The following SVIL variants were observed in gnomAD, a reference collection of about 807,000 sequenced individuals.
The protein encoded by SVIL is supervillin, also known as archvillin.
In SVIL, 101 loss-of-function variants were observed where a neutral mutation model predicts 240.4. That is an observed-to-expected ratio of 0.42 (90% CI 0.36 to 0.50). The LOEUF (loss-of-function observed/expected upper bound fraction) is 0.50, where lower values mean the gene tolerates loss of function less well. Ranked by LOEUF, SVIL falls within the 20% of genes least tolerant of loss-of-function variation. The pLI is 0.01. For missense variants in SVIL, 2,512 were observed against 2,818.7 expected, an observed-to-expected ratio of 0.89 and a Z score of 2.46; for synonymous variants, 999 against 1,100.0, an observed-to-expected ratio of 0.91 and a Z score of 1.82.
rs765780380 is a variant in SVIL at position 29,558,025 on chromosome 10, A to AT, written c.-50-2918dup. 6.6e-5 allele frequency among the ~76,000 whole-genome samples: 10 copies of AT among 152,220 alleles called. 1 individual carries two copies. Among genetic ancestry groups the AT allele is most frequent in the Non-Finnish European group, 7.3e-5 (5 of 68,042 alleles). On this transcript the variant is annotated intron_variant, in intron 3 of 37. Coordinates refer to ENST00000355867, the MANE Select transcript of SVIL (RefSeq NM_021738.3). ...TGCTGTGACACAAAAATATCCTCAT[A>AT]TATTTCTAAAGCCCCTTAGGGACTG...
intron 29 of SVIL, among the ~76,000 whole-genome samples, chr10:29,479,208 C>A (rs531119735): frequency 1.3e-5 from 2 of 152,264 alleles, no homozygotes; most frequent in East Asian, 3.9e-4. Flanking sequence ...CTGCCCACAT[C>A]CTGTGCTGGA....
chr10:29,609,051 T>C (rs896753765), intron 1 of SVIL, among the ~76,000 whole-genome samples: 10 of 152,172 alleles, frequency 6.6e-5, no homozygotes, highest in Non-Finnish European at 1.2e-4. Flanking sequence ...CCTAAGACAC[T>C]TGTCTGGACC....
intron 3 of SVIL, among the ~76,000 whole-genome samples, chr10:29,649,175 G>A (rs1311120752): frequency 6.6e-6 from 1 of 151,944 alleles, no homozygotes; most frequent in Non-Finnish European, 1.5e-5. Context: ...ATAAATAAAA[G>A]CAGGGTTTCT....
intron 3 of SVIL, among the ~76,000 whole-genome samples, chr10:29,641,069 A>G (rs1958469774): frequency 6.6e-6 from 1 of 152,112 alleles, no homozygotes; most frequent in African/African-American, 2.4e-5. Flanking sequence ...TAATCTAGCA[A>G]ATCGTCCCAG....
chr10:29,617,428 A>C (rs1221281048), intron 1 of SVIL, among the ~76,000 whole-genome samples: 1 of 152,150 alleles, frequency 6.6e-6, no homozygotes, highest in Non-Finnish European at 1.5e-5. Context: ...AAAAATACAA[A>C]AAATTAGCCA....
At chr10:29,688,983 T>C (rs1405808545) in intron 1 of SVIL, among the ~76,000 whole-genome samples, 6 of 152,166 alleles carry the variant, frequency 3.9e-5, no homozygotes, top group Admixed American at 2.6e-4. Context: ...TAATTACATA[T>C]GGATGAAGAT....
rs780712978 is a variant in SVIL at position 29,484,636 on chromosome 10, C to G, written c.4955+20G>C. On this transcript the variant is annotated intron_variant, in intron 27 of 37. Transcript: ENST00000355867. The surrounding 1 kb of genome is among the most constrained non-coding windows in gnomAD (Gnocchi z 4.7). ...AATCAGCTCGCTTGAAGAGCTGTCCCCGGGCGGCGGCAGGAGTACCTGGGG... is the reference window on the plus strand; with the variant it reads ...AATCAGCTCGCTTGAAGAGCTGTCCGCGGGCGGCGGCAGGAGTACCTGGGG... The G allele has an allele frequency of 8.1e-6, 13 of 1,601,684 alleles. No individual in the cohort carries two copies. In the Admixed American group the frequency reaches 2.0e-4, roughly 25 times the overall value.
At chr10:29,594,173 T>C (rs1956493457) in intron 1 of SVIL, among the ~76,000 whole-genome samples, 1 of 152,176 alleles carries the variant, frequency 6.6e-6, no homozygotes, top group Non-Finnish European at 1.5e-5. Flanking sequence ...GCCATGTATA[T>C]AAGGTATACA....
Position 29,457,919 on chromosome 10 carries a change from T to C in SVIL, c.*328A>G, listed in dbSNP as rs1943743624. 1.3e-5 allele frequency: 2 copies of C among 152,544 alleles called. No homozygotes were observed. The highest frequency in any genetic ancestry group is 7.6e-5 in the African/African-American group (2 of 26,332). The allele number at this position is 152,544 out of a possible 1,614,324, so 9.4% of individuals were successfully genotyped here. On this transcript the variant is annotated 3_prime_UTR_variant, in exon 38 of 38. Coordinates refer to ENST00000355867, the MANE Select transcript of SVIL (RefSeq NM_021738.3). ...CAAAATAACACTTTATAAAGAGAAC[T>C]GCTTCAAAAAAAAAAAAAAAAGGCA... is the stretch of plus-strand genomic sequence containing the variant.
rs752242484 is a variant in SVIL, at chr10:29,530,712, G to A, written c.2045-44C>T. The stretch of plus-strand genomic sequence containing the variant: ...TAAAAACTGGACATCATTAGAGAAG[G>A]TTAAGTTCGGTCTCCAAAAAGTCTT... On this transcript the variant is annotated intron_variant, in intron 10 of 37. Coordinates refer to ENST00000355867, the MANE Select transcript of SVIL (RefSeq NM_021738.3). 3.7e-5 allele frequency: 60 copies of A among 1,610,688 alleles called. 1 individual carries two copies. Among genetic ancestry groups the A allele is most frequent in the Middle Eastern group, 3.3e-4 (2 of 6,072 alleles).
chr10:29,573,025 T>A (rs184588660), intron 1 of SVIL, among the ~76,000 whole-genome samples: 140 of 152,126 alleles, frequency 9.2e-4, no homozygotes, highest in Non-Finnish European at 1.6e-3. Flanking sequence ...TTTTTTCAAA[T>A]TTTCCTGTCG....
At chr10:29,726,183 A>G (rs190210318) in intron 1 of SVIL, among the ~76,000 whole-genome samples, 15 of 152,166 alleles carry the variant, frequency 9.9e-5, no homozygotes, top group African/African-American at 3.6e-4. Flanking sequence ...CAGCCTCCCA[A>G]CATGCTGGGA....
chr10:29,691,212 A>ATTT (rs1364591858), intron 1 of SVIL, among the ~76,000 whole-genome samples: 1 of 142,494 alleles, frequency 7.0e-6, no homozygotes. Flanking sequence ...ATAATGAATA[A>ATTT]TTTTTTTTTT....
At chr10:29,557,099 C>G (rs542612165) in intron 3 of SVIL, among the ~76,000 whole-genome samples, 5 of 152,050 alleles carry the variant, frequency 3.3e-5, no homozygotes, top group South Asian at 2.1e-4. Context: ...TTTTCTCCCC[C>G]CTCCCTTTCT....
chr10:29,618,285 T>C (rs886098857), intron 1 of SVIL, among the ~76,000 whole-genome samples: 5 of 152,242 alleles, frequency 3.3e-5, no homozygotes, highest in East Asian at 3.8e-4. Flanking sequence ...GGATTTATTG[T>C]ATTGTTTGTC....
In SVIL at chr10:29,523,805, C is replaced by T. The variant is rs570940162; in HGVS notation, c.2809G>A (p.Gly937Ser). The stretch of plus-strand genomic sequence containing the variant: ...CTCAACATTCCCTTGTTCTCGCTAC[C>T]CTCTACCAAAGGCTGCCAAGCTTGC... ...KSQAWQPLVE[G>S]SENKGMLREY... The change falls in exon 15 of 38, where the codon GGT becomes AGT. Residue 937 changes from glycine (G) to serine (S), a missense_variant. This residue lies in a region of SVIL where 1,443 missense variants were observed against 1,486.6 expected (regional missense o/e 0.97). Transcript: ENST00000355867. The T allele has an allele frequency of 9.9e-6, 16 of 1,614,200 alleles. No individual in the cohort carries two copies. In the African/African-American group the frequency reaches 1.9e-4, roughly 19 times the overall value.
intron 1 of SVIL, among the ~76,000 whole-genome samples, chr10:29,697,407 A>G (rs866674585): frequency 4.4e-4 from 36 of 82,228 alleles, no homozygotes; most frequent in East Asian, 3.7e-3. Context: ...TTGAGAAATC[A>G]GATGGTTGCC....
intron 1 of SVIL, among the ~76,000 whole-genome samples, chr10:29,577,377 C>A (rs1000834731): frequency 6.6e-6 from 1 of 152,178 alleles, no homozygotes; most frequent in Non-Finnish European, 1.5e-5. Context: ...TTATACAACT[C>A]TTACGCCTTT....
Position 29,679,615 on chromosome 10 carries a change from C to T in SVIL, c.-301+6938G>A, listed in dbSNP as rs1320340080. Among the ~76,000 whole-genome samples the T allele has an allele frequency of 2.1e-5, 3 of 145,612 alleles. No individual in the cohort carries two copies. The East Asian group carries it at 6.1e-4, about 30-fold the overall frequency. ...TGTTGCCCTGGCTGGAGTGCAGTGGCGCTGATCACGGCTCACTGCAGCCTC... is the reference window on the plus strand; with the variant it reads ...TGTTGCCCTGGCTGGAGTGCAGTGGTGCTGATCACGGCTCACTGCAGCCTC... On this transcript the variant is annotated intron_variant, in intron 2 of 35. Coordinates refer to the SVIL transcript ENST00000375400.
Sources: allele counts gnomAD v4.1 joint callset (sites outside exome capture counted in the v4.1 genomes callset), GRCh38; gene constraint gnomAD v4.1.1; regional missense constraint gnomAD v4.1.1; non-coding constraint Gnocchi (gnomAD v3.1); transcripts MANE v1.5; gene names NCBI Gene and HGNC (gene_info 2026-07-23, HGNC 2026-07-21).